The following ZNF536 variants were observed in gnomAD, a reference collection of about 807,000 sequenced individuals.
The protein encoded by ZNF536 is zinc finger protein 536.
ZNF536 carries 13 observed loss-of-function variants against 84.5 expected under a neutral mutation model. The observed-to-expected ratio is 0.15, with a 90% CI of 0.10 to 0.24. The LOEUF (loss-of-function observed/expected upper bound fraction) is 0.24, where lower values mean the gene tolerates loss of function less well. ZNF536 is among the 10% of genes least tolerant of loss of function. ZNF536 has a pLI of 1.00. For synonymous variants in ZNF536, 811 were observed against 742.5 expected (o/e 1.09, Z -1.50); for missense variants, 1,536 against 1,747.5 (o/e 0.88, Z 2.16).
At chr19:30,624,951 G>A (rs927566453) in intron 1 of ZNF536, among the ~76,000 whole-genome samples, 3 of 152,296 alleles carry the variant, frequency 2.0e-5, no homozygotes, top group Non-Finnish European at 2.9e-5. Context: ...TTGTGAAAAA[G>A]GACATGTTTG....
At chr19:30,296,311 G>A (rs1242661992) in intron 2 of ZNF536, 1 of 152,370 alleles carries the variant, frequency 6.6e-6, no homozygotes, top group African/African-American at 2.4e-5. Flanking sequence ...GAGCAGAACA[G>A]TGCCCTGTCA....
chr19:30,305,402 G>C (rs1001649177), intron 2 of ZNF536, among the ~76,000 whole-genome samples: 1 of 152,176 alleles, frequency 6.6e-6, no homozygotes, highest in Non-Finnish European at 1.5e-5. Context: ...TGTATGGGGA[G>C]GGGTGGAAAG....
At chr19:30,593,814 G>C (rs1445285859) in intron 1 of ZNF536, among the ~76,000 whole-genome samples, 4 of 152,222 alleles carry the variant, frequency 2.6e-5, no homozygotes, top group Admixed American at 6.5e-5. Flanking sequence ...TGAGAGCTGG[G>C]GTCTGCCAGC....
At position 30,263,994 on chromosome 19, in the gene ZNF536, C is replaced by T. The variant is rs73924254; in HGVS notation, c.-189-20078C>T. On this transcript the variant is annotated intron_variant, in intron 1 of 5. Transcript: ENST00000585628. ...GAAAGGAACTTTCAGTTTTCACTTC[C>T]AAGTTTGGCAGCCTGGTGAACTTGA... 4.2e-3 allele frequency among the ~76,000 whole-genome samples: 645 copies of T among 152,246 alleles called. 4 individuals carry two copies. Among genetic ancestry groups the T allele is most frequent in the African/African-American group, 0.015 (617 of 41,524 alleles).
chr19:30,412,465 A>G (rs1465143851), intron 1 of ZNF536, among the ~76,000 whole-genome samples: 1 of 152,018 alleles, frequency 6.6e-6, no homozygotes, highest in Non-Finnish European at 1.5e-5. Flanking sequence ...GAATTAGTAG[A>G]CTTTCTATTG....
intron 1 of ZNF536, among the ~76,000 whole-genome samples, chr19:30,272,189 CT>C (rs978294343): frequency 6.6e-5 from 10 of 152,168 alleles, no homozygotes; most frequent in East Asian, 1.9e-4. Flanking sequence ...CCTCTTTTCT[CT>C]TTTTTTTCTT....
chr19:30,267,930 G>A lies in ZNF536; in HGVS notation c.-189-16142G>A, dbSNP rs781512161. On this transcript the variant is annotated intron_variant, in intron 1 of 5. Coordinates refer to the ZNF536 transcript ENST00000585628. ...AAAGAGAGAGAGAGAGATCTGCAAC[G>A]GAATACAGCTTATTTGTTTATGATA... Among the ~76,000 whole-genome samples the A allele has an allele frequency of 4.5e-4, 68 of 151,908 alleles. No homozygotes were observed. In the Middle Eastern group the frequency reaches 0.01, roughly 23 times the overall value.
chr19:30,443,043 G>GTTTTTTTT (rs199802157), intron 1 of ZNF536, among the ~76,000 whole-genome samples: 1 of 135,514 alleles, frequency 7.4e-6, no homozygotes. Context: ...TTTTTTGTTT[G>GTTTTTTTT]TTTTTTTTTT....
At chr19:30,511,888 T>C (rs987852426) in intron 2 of ZNF536, among the ~76,000 whole-genome samples, 2 of 152,198 alleles carry the variant, frequency 1.3e-5, no homozygotes, top group Admixed American at 1.3e-4. Flanking sequence ...TTTCTGGTGC[T>C]ATTTATCCTT....
At chr19:30,710,083 G>A (rs970615189) in intron 1 of ZNF536, among the ~76,000 whole-genome samples, 1 of 152,206 alleles carries the variant, frequency 6.6e-6, no homozygotes, top group Admixed American at 6.5e-5. Context: ...TCAATAAAAA[G>A]TTGAGGAATA....
At chr19:30,710,280 C>T (rs1014626427) in intron 1 of ZNF536, among the ~76,000 whole-genome samples, 6 of 152,142 alleles carry the variant, frequency 3.9e-5, no homozygotes, top group African/African-American at 1.4e-4. Flanking sequence ...TGGTGGCTTG[C>T]ACCTGTAATC....
At chr19:30,508,207 T>C (rs746372532) in intron 2 of ZNF536, among the ~76,000 whole-genome samples, 12 of 152,140 alleles carry the variant, frequency 7.9e-5, no homozygotes, top group Non-Finnish European at 1.8e-4. Context: ...GAAGCTGAAT[T>C]ATGACCCCAG....
chr19:30,651,328 T>A (rs996325011), intron 1 of ZNF536, among the ~76,000 whole-genome samples: 12 of 152,204 alleles, frequency 7.9e-5, no homozygotes, highest in Non-Finnish European at 1.5e-4. Flanking sequence ...GCCTCTTGGA[T>A]GCTGACAAGA....
intron 2 of ZNF536, among the ~76,000 whole-genome samples, chr19:30,329,086 G>A (rs2146359292): frequency 6.6e-6 from 1 of 152,312 alleles, no homozygotes; most frequent in East Asian, 1.9e-4. Context: ...GTGTCAAGAA[G>A]GCCAACAGCT....
intron 1 of ZNF536, among the ~76,000 whole-genome samples, chr19:30,246,731 A>G (rs1037864946): frequency 5.9e-5 from 9 of 152,254 alleles, no homozygotes; most frequent in African/African-American, 2.2e-4. Context: ...TTCATCATTT[A>G]TAGACCTCTT....
chr19:30,276,980 C>T (rs1025689670), intron 1 of ZNF536, among the ~76,000 whole-genome samples: 6 of 152,054 alleles, frequency 3.9e-5, no homozygotes, highest in African/African-American at 1.5e-4. Flanking sequence ...AGCTGATGAG[C>T]CCAATCAGGG....
intron 3 of ZNF536, among the ~76,000 whole-genome samples, chr19:30,359,502 G>GCT (rs1460480010): frequency 4.5e-4 from 68 of 152,326 alleles, no homozygotes; most frequent in African/African-American, 1.5e-3. Flanking sequence ...GCTCAGATGT[G>GCT]GGCAGCAATG....
chr19:30,560,570 G>A (rs1209440180), downstream of ZNF536, among the ~76,000 whole-genome samples: 1 of 152,108 alleles, frequency 6.6e-6, no homozygotes, highest in African/African-American at 2.4e-5. Flanking sequence ...ACCCTGGTCT[G>A]GATAAGAGAC....
At chr19:30,704,572 G>A (rs112274068) in intron 1 of ZNF536, among the ~76,000 whole-genome samples, 4,694 of 151,236 alleles carry the variant, frequency 0.031, 241 homozygotes, top group African/African-American at 0.11. Flanking sequence ...GCTTAAACCC[G>A]GGAGGCAGAG....
Sources: gnomAD v4.1 joint callset for allele counts (sites outside exome capture counted in the v4.1 genomes callset) on GRCh38, gnomAD v4.1.1 for gene constraint, MANE v1.5 for transcripts, NCBI Gene and HGNC (gene_info 2026-07-23, HGNC 2026-07-21) for gene names.